The following EVC variants were observed in gnomAD, a reference collection of about 807,000 sequenced individuals.
EVC encodes the protein EvC ciliary complex subunit 1.
A neutral mutation model predicts 118.9 loss-of-function variants in EVC; 116 were observed. That is an observed-to-expected ratio of 0.98 (90% CI 0.84 to 1.14). The LOEUF is 1.14. Among genes scored for constraint, EVC ranks in the 50% most tolerant of loss-of-function variants. The pLI is 0.00. For synonymous variants in EVC, 619 were observed against 534.7 expected, an observed-to-expected ratio of 1.16 and a Z score of -2.18; for missense variants, 1,401 against 1,246.4, an observed-to-expected ratio of 1.12 and a Z score of -1.87.
At chr4:5,729,906 C>T (rs1397616080) in intron 3 of EVC, among the ~76,000 whole-genome samples, 1 of 152,230 alleles carries the variant, frequency 6.6e-6, no homozygotes, top group Non-Finnish European at 1.5e-5. Context: ...CAGGAAGTGG[C>T]AGAGCCAGAG....
the EVC span, chr4:5,825,103 A>G: frequency 7.1e-6 from 7 of 985,290 alleles, no homozygotes; most frequent in Non-Finnish European, 8.4e-6. The surrounding 1 kb of genome is among the most constrained non-coding windows in gnomAD (Gnocchi z 4.4). Context: ...TGAACAGGCT[A>G]AAGACTTACA....
At chr4:5,780,674 A>T (rs1273669270) in intron 11 of EVC, among the ~76,000 whole-genome samples, 3 of 152,224 alleles carry the variant, frequency 2.0e-5, no homozygotes, top group Non-Finnish European at 4.4e-5. Flanking sequence ...GGACAATCAT[A>T]CAACCAGTGC....
At chr4:5,721,943 T>G (rs1469662343) in intron 2 of EVC, among the ~76,000 whole-genome samples, 4 of 152,196 alleles carry the variant, frequency 2.6e-5, no homozygotes, top group African/African-American at 9.7e-5. Flanking sequence ...ATAGTATACA[T>G]GAGTGAACTG....
chr4:5,800,275 G>T (rs1714729730), intron 15 of EVC, among the ~76,000 whole-genome samples: 1 of 152,200 alleles, frequency 6.6e-6, no homozygotes, highest in Admixed American at 6.5e-5. Context: ...AATCTGGGAG[G>T]CGGAGGTTGC....
chr4:5,817,682 C>T (rs1009071223), downstream of EVC, among the ~76,000 whole-genome samples: 3 of 152,204 alleles, frequency 2.0e-5, no homozygotes, highest in Admixed American at 6.5e-5. Flanking sequence ...ATGGGCATCA[C>T]GGCCACACTC....
intron 11 of EVC, among the ~76,000 whole-genome samples, chr4:5,778,124 T>C (rs2152264591): frequency 6.6e-6 from 1 of 151,728 alleles, no homozygotes. Flanking sequence ...TTACTGAGAA[T>C]GATGATTTCC....
chr4:5,820,237 G>A, the EVC span, among the ~76,000 whole-genome samples: 1 of 152,100 alleles, frequency 6.6e-6, no homozygotes, highest in African/African-American at 2.4e-5. Context: ...GTCATTACCA[G>A]CAACTTCATC....
chr4:5,806,951 T>C (rs1217760617), intron 17 of EVC, among the ~76,000 whole-genome samples: 1 of 152,234 alleles, frequency 6.6e-6, no homozygotes, highest in African/African-American at 2.4e-5. Context: ...CTCAGAGTTT[T>C]TTCACATGCT....
intron 11 of EVC, among the ~76,000 whole-genome samples, chr4:5,772,988 A>G (rs1353098706): frequency 2.0e-5 from 3 of 151,994 alleles, no homozygotes; most frequent in Non-Finnish European, 4.4e-5. Flanking sequence ...TGGTCATCAC[A>G]TGTGCCACAG....
intron 11 of EVC, among the ~76,000 whole-genome samples, chr4:5,777,031 C>G (rs1734810790): frequency 6.6e-6 from 1 of 152,010 alleles, no homozygotes; most frequent in Admixed American, 6.6e-5. Context: ...TTTCTGATGC[C>G]CATTGTTTGT....
At chr4:5,786,263 TAGTG>T (rs558243242) in intron 12 of EVC, among the ~76,000 whole-genome samples, 37 of 152,360 alleles carry the variant, frequency 2.4e-4, no homozygotes, top group Admixed American at 1.6e-3. Context: ...ATGGTATTGA[TAGTG>T]AAGGAATCCA....
chr4:5,752,554 C>T (rs932835688), intron 8 of EVC: 5 of 533,834 alleles, frequency 9.4e-6, no homozygotes, highest in Non-Finnish European at 1.7e-5. Flanking sequence ...TGGATTCCCT[C>T]CTAGGAGGGT....
At chr4:5,820,200 A>G in the EVC span, among the ~76,000 whole-genome samples, 6 of 152,198 alleles carry the variant, frequency 3.9e-5, no homozygotes, top group Non-Finnish European at 7.3e-5. Context: ...AGCAACTGCT[A>G]TACAGCTATC....
chr4:5,773,581 G>A lies in EVC; in HGVS notation c.1564-9971G>A, dbSNP rs1577523675. ...TCCCTGCAAAGTTATGTGGCAAGGGGTGTGGGTGCCGGGAGAGAGACTGGG... is the reference window on the plus strand; with the variant it reads ...TCCCTGCAAAGTTATGTGGCAAGGGATGTGGGTGCCGGGAGAGAGACTGGG... On this transcript the variant is annotated intron_variant, in intron 11 of 20. Coordinates refer to ENST00000264956, the MANE Select transcript of EVC (RefSeq NM_153717.3). Among the ~76,000 whole-genome samples the A allele has an allele frequency of 2.6e-5, 4 of 152,174 alleles. No individual in the cohort carries two copies. In the South Asian group the frequency reaches 8.3e-4, roughly 32 times the overall value.
the EVC span, chr4:5,824,976 G>A: frequency 1.0e-6 from 1 of 985,284 alleles, no homozygotes; most frequent in Admixed American, 6.1e-5. Flanking sequence ...TTTTGACACT[G>A]GATTTCTTGG....
chr4:5,748,404 T>C (rs1729698958), intron 8 of EVC, 98 bp downstream of exon 8: 2 of 1,355,660 alleles, frequency 1.5e-6, no homozygotes, highest in Non-Finnish European at 2.1e-6. Context: ...ATTCATGTTG[T>C]AGCTGGTTAT....
At chr4:5,786,481 T>C (rs1711613189) in intron 12 of EVC, among the ~76,000 whole-genome samples, 1 of 151,856 alleles carries the variant, frequency 6.6e-6, no homozygotes, top group African/African-American at 2.4e-5. Flanking sequence ...AGCAGGAGAG[T>C]TAATGACCTC....
the EVC span, among the ~76,000 whole-genome samples, chr4:5,827,717 A>G: frequency 2.1e-5 from 3 of 140,300 alleles, no homozygotes; most frequent in Non-Finnish European, 3.1e-5. Flanking sequence ...GCATAGACAT[A>G]CACACATGTG....
the EVC span, chr4:5,820,637 T>G: frequency 1.2e-4 from 18 of 152,088 alleles, no homozygotes; most frequent in African/African-American, 3.9e-4. Flanking sequence ...GAACTGAATC[T>G]CTCCTCCCAC....
Sources: allele counts gnomAD v4.1 joint callset (sites outside exome capture counted in the v4.1 genomes callset), GRCh38; gene constraint gnomAD v4.1.1; non-coding constraint Gnocchi (gnomAD v3.1); transcripts MANE v1.5; gene names NCBI Gene and HGNC (gene_info 2026-07-23, HGNC 2026-07-21).